DNAH17: variants seen among roughly 807,000 people sequenced by gnomAD.
DNAH17 encodes the protein axonemal beta dynein heavy chain 17.
Under a neutral mutation model 485.6 loss-of-function variants are expected in DNAH17, and 376 were observed. That is an observed-to-expected ratio of 0.77 (90% CI 0.71 to 0.84). DNAH17 has a LOEUF of 0.84. DNAH17 is among the 40% of genes least tolerant of loss of function. The probability of loss-of-function intolerance (pLI) is 0.00; values close to 1 mark genes in which losing one functional copy is unlikely to be tolerated. For missense variants in DNAH17, 6,370 were observed against 5,839.3 expected (o/e 1.09, Z -2.96); for synonymous variants, 3,031 against 2,405.9 (o/e 1.26, Z -7.60).
At chr17:78,437,504 G>A (rs1043444807) in intron 74 of DNAH17, 137 bp downstream of exon 74, 7 of 586,876 alleles carry the variant, frequency 1.2e-5, no homozygotes, top group East Asian at 2.9e-5. Context: ...ACTGCGAGGG[G>A]TGTGTGGACA....
At position 78,427,071 on chromosome 17, in the gene DNAH17, G is replaced by T; in HGVS notation, c.12626C>A (p.Pro4209Gln). 1.9e-6 allele frequency: 3 copies of T among 1,590,834 alleles called. No individual in the cohort carries two copies. The highest frequency in any genetic ancestry group is 2.6e-6 in the Non-Finnish European group (3 of 1,168,764). Reference sequence around the variant, plus strand: ...GATCTCAGCCATGTTGAAAGTCTCCGGAATCTTCTCCAGGATGTCGTCCAG... The same window carrying T: ...GATCTCAGCCATGTTGAAAGTCTCCTGAATCTTCTCCAGGATGTCGTCCAG... ...AVLDDILEKIPETFNMAEIMA... is the reference protein window; with the variant it reads ...AVLDDILEKIQETFNMAEIMA... The change falls in exon 78 of 81, where the codon CCG becomes CAG. Residue 4209 changes from proline to glutamine, a missense_variant. Coordinates refer to ENST00000389840, the MANE Select transcript of DNAH17 (RefSeq NM_173628.4).
intron 26 of DNAH17, 42 bp from the exon 27 acceptor site, chr17:78,510,548 T>C (rs770874703): frequency 1.1e-5 from 17 of 1,609,432 alleles, no homozygotes; most frequent in Non-Finnish European, 1.4e-5. Context: ...TCAGGTCATG[T>C]GCACTCTGCA....
intron 69 of DNAH17, among the ~76,000 whole-genome samples, chr17:78,447,909 T>C (rs2087379501): frequency 6.6e-6 from 1 of 151,242 alleles, no homozygotes; most frequent in African/African-American, 2.5e-5. Flanking sequence ...CGGTGGCTCA[T>C]GCCTGTAATC....
intron 17 of DNAH17, 48 bp downstream of exon 17, chr17:78,543,809 T>C (rs372755708): frequency 2.5e-6 from 4 of 1,613,360 alleles, no homozygotes; most frequent in East Asian, 4.5e-5. Context: ...CTCTCCTCCC[T>C]GCTAAAAGCA....
chr17:78,443,470 C>A (rs1344882994), intron 71 of DNAH17, among the ~76,000 whole-genome samples: 1 of 152,218 alleles, frequency 6.6e-6, no homozygotes, highest in African/African-American at 2.4e-5. Flanking sequence ...TCCCTGTCCT[C>A]TCCTATCGGA....
chr17:78,514,044 A>G (rs1018555248), intron 26 of DNAH17, among the ~76,000 whole-genome samples: 1 of 152,136 alleles, frequency 6.6e-6, no homozygotes, highest in African/African-American at 2.4e-5. Context: ...ATTCCTGGAA[A>G]GATTCAGGTG....
intron 48 of DNAH17, among the ~76,000 whole-genome samples, chr17:78,483,884 G>A (rs2089462257): frequency 6.6e-6 from 1 of 151,900 alleles, no homozygotes; most frequent in Admixed American, 6.6e-5. Context: ...ATCACCTGAG[G>A]TCAGGAGTTC....
chr17:78,545,720 T>C (rs550456469), intron 16 of DNAH17, among the ~76,000 whole-genome samples: 9 of 152,196 alleles, frequency 5.9e-5, no homozygotes, highest in Non-Finnish European at 1.0e-4. Flanking sequence ...AGCCTTCCCA[T>C]TACATTTGCG....
At chr17:78,516,755 A>T (rs2090794729) in intron 25 of DNAH17, among the ~76,000 whole-genome samples, 1 of 151,892 alleles carries the variant, frequency 6.6e-6, no homozygotes, top group Non-Finnish European at 1.5e-5. Flanking sequence ...TTGAAAAAGT[A>T]TCAAGAGGCC....
chr17:78,445,896 A>G (rs995073021), intron 69 of DNAH17, among the ~76,000 whole-genome samples: 1 of 152,120 alleles, frequency 6.6e-6, no homozygotes, highest in Admixed American at 6.6e-5. Context: ...TTGGCCGGGC[A>G]CAGTGACTCA....
chr17:78,536,663 AGAGT>A (rs1292357519), intron 19 of DNAH17, among the ~76,000 whole-genome samples: 2 of 152,118 alleles, frequency 1.3e-5, no homozygotes, highest in African/African-American at 4.8e-5. Flanking sequence ...CCTGGGTGAC[AGAGT>A]GAGACCTTGT....
chr17:78,562,872 G>A (rs573936327), intron 11 of DNAH17, among the ~76,000 whole-genome samples: 18 of 152,280 alleles, frequency 1.2e-4, no homozygotes, highest in Admixed American at 5.2e-4. Flanking sequence ...CCAGAGAGAG[G>A]GAAGACAACC....
At position 78,506,816 on chromosome 17, in the gene DNAH17, C is replaced by T. The variant is rs1297081201; in HGVS notation, c.4707G>A (p.Glu1569=). 1 of 1,613,862 alleles carries T rather than the reference C, an allele frequency of 6.2e-7. No homozygotes were observed. The highest frequency in any genetic ancestry group is 8.5e-7 in the Non-Finnish European group (1 of 1,179,888). Residue 1569 remains glutamate (E), a synonymous_variant, in exon 30 of 81, where the codon GAG becomes GAA. Transcript: ENST00000389840. ...AAGCCAGTCTTTTCGTCTCTAAATA[C>T]TCTGCCAAAGCCTTTTCACAGATGG... ...SLAICEKALA[E]YLETKRLAFP... is the part of the protein sequence containing the mutation.
chr17:78,455,563 G>C lies in DNAH17; in HGVS notation c.10170+81C>G, dbSNP rs970736607. On this transcript the variant is annotated intron_variant, in intron 63 of 80. Coordinates refer to ENST00000389840, the MANE Select transcript of DNAH17 (RefSeq NM_173628.4). The stretch of plus-strand genomic sequence containing the variant: ...GCTGCTCATGAACTCCTGGCCTCAA[G>C]TAATCCGCCCGCCTCGGCCTCCCAA... The C allele has an allele frequency of 1.9e-5, 21 of 1,127,550 alleles. No individual in the cohort carries two copies. The African/African-American group carries it at 3.2e-4, about 17-fold the overall frequency. 69.8% of individuals were successfully genotyped at this position (1,127,550 alleles called of 1,614,324 possible).
In DNAH17 at chr17:78,571,764, G is replaced by A. The variant is rs558229268; in HGVS notation, c.558C>T (p.Asp186=). The change falls in exon 4 of 81, where the codon GAC becomes GAT. Residue 186 remains aspartate, a synonymous_variant. Coordinates refer to ENST00000389840, the MANE Select transcript of DNAH17 (RefSeq NM_173628.4). ...ESMERIPSSL[D]NLLLHAIETT... ...TTTCAATGGCGTGCAGGAGCAAGTT[G>A]TCCAGTGAAGAGGGGATCCTGCCCA... 1.9e-6 allele frequency: 3 copies of A among 1,596,896 alleles called. No homozygotes were observed. The highest frequency in any genetic ancestry group is 1.3e-5 in the African/African-American group (1 of 74,854).
chr17:78,446,730 A>G (rs2087322122), intron 69 of DNAH17, among the ~76,000 whole-genome samples: 1 of 151,898 alleles, frequency 6.6e-6, no homozygotes, highest in Non-Finnish European at 1.5e-5. Context: ...TGCAACTTCC[A>G]CCTCCTGGGT....
At chr17:78,536,715 G>A (rs990678465) in intron 19 of DNAH17, among the ~76,000 whole-genome samples, 4 of 151,916 alleles carry the variant, frequency 2.6e-5, no homozygotes, top group Non-Finnish European at 5.9e-5. Flanking sequence ...CAGTCAGGAA[G>A]TTGGGAAAGG....
intron 25 of DNAH17, 46 bp downstream of exon 25, chr17:78,524,963 C>T: frequency 6.4e-7 from 1 of 1,573,724 alleles, no homozygotes; most frequent in Non-Finnish European, 8.7e-7. Context: ...GGGGCAGCTC[C>T]CTGCAGAATC....
In DNAH17 at chr17:78,508,969, G is replaced by GC. The variant is rs1555679172; in HGVS notation, c.4237-1165_4237-1164insG. 5.1e-5 allele frequency among the ~76,000 whole-genome samples: 5 copies of GC among 98,798 alleles called. 1 individual carries two copies. Among genetic ancestry groups the GC allele is most frequent in the African/African-American group, 2.2e-4 (5 of 22,882 alleles). The allele number at this position is 98,798 out of a possible 152,430, so 64.8% of individuals were successfully genotyped here. A position where few individuals can be genotyped will look rare whatever the true frequency, so the allele number is the denominator to read the frequency against. On this transcript the variant is annotated intron_variant, in intron 27 of 80. Coordinates refer to ENST00000389840, the MANE Select transcript of DNAH17 (RefSeq NM_173628.4). The stretch of plus-strand genomic sequence containing the variant: ...GGTGTGTGTCATCATGTGCCCAGCT[G>GC]TTTTTTTTTTTTTTTGAGATGGAGT...
Sources: allele counts gnomAD v4.1 joint callset (sites outside exome capture counted in the v4.1 genomes callset), GRCh38; gene constraint gnomAD v4.1.1; transcripts MANE v1.5; gene names NCBI Gene and HGNC (gene_info 2026-07-23, HGNC 2026-07-21).